Variants in ZNF248 observed in about 807,000 individuals in gnomAD.
ZNF248 encodes the protein zinc finger protein 248.
ZNF248 carries 20 observed loss-of-function variants against 44.3 expected under a neutral mutation model. That is an observed-to-expected ratio of 0.45 (90% CI 0.32 to 0.66). The LOEUF (loss-of-function observed/expected upper bound fraction) is 0.66, where lower values mean the gene tolerates loss of function less well. Among genes scored for constraint, ZNF248 ranks in the 30% least tolerant of loss-of-function variants. The pLI is 0.04. For missense variants in ZNF248, 654 were observed against 677.0 expected (o/e 0.97, Z 0.38); for synonymous variants, 224 against 229.0 (o/e 0.98, Z 0.20).
chr10:37,792,950 G>A (rs373414837), intron 6 of ZNF248, among the ~76,000 whole-genome samples: 6 of 152,086 alleles, frequency 3.9e-5, no homozygotes, highest in Non-Finnish European at 5.9e-5. Context: ...TTATTTTGAC[G>A]TATATGCCAA....
intron 6 of ZNF248, among the ~76,000 whole-genome samples, chr10:37,810,067 G>GCAAATTTT (rs1442146596): frequency 6.6e-6 from 1 of 152,168 alleles, no homozygotes; most frequent in Non-Finnish European, 1.5e-5. Flanking sequence ...GAGTATTGAA[G>GCAAATTTT]CAAATTTTTA....
chr10:37,829,025 C>T lies in ZNF248; in HGVS notation c.*2590G>A, dbSNP rs1369887182. Reference sequence around the variant, plus strand: ...ACTGAGCCTTCTACATAGGAATTTACAGAAATGAATAACACTGTGCTGCTT... The same window carrying T: ...ACTGAGCCTTCTACATAGGAATTTATAGAAATGAATAACACTGTGCTGCTT... On this transcript the variant is annotated 3_prime_UTR_variant, in exon 6 of 6. Coordinates refer to ENST00000395867, the MANE Select transcript of ZNF248 (RefSeq NM_021045.3). 2 of 985,440 alleles carry T rather than the reference C, an allele frequency of 2.0e-6. No individual in the cohort carries two copies. Among genetic ancestry groups the T allele is most frequent in the Non-Finnish European group, 2.4e-6 (2 of 829,928 alleles). The allele number at this position is 985,440 out of a possible 1,614,324, so 61.0% of individuals were successfully genotyped here.
chr10:37,782,510 A>C (rs1205355503), intron 6 of ZNF248, among the ~76,000 whole-genome samples: 1 of 152,110 alleles, frequency 6.6e-6, no homozygotes, highest in Non-Finnish European at 1.5e-5. Context: ...TCCTCCCAGA[A>C]AGACATGTTC....
intron 6 of ZNF248, chr10:37,791,895 C>T (rs1389801741): frequency 1.3e-5 from 2 of 152,154 alleles, no homozygotes; most frequent in African/African-American, 2.4e-5. Flanking sequence ...ACCACATACG[C>T]AAGATCACCA....
chr10:37,839,504 CAA>C (rs150141710), intron 3 of ZNF248, among the ~76,000 whole-genome samples: 19,953 of 127,956 alleles, frequency 0.16, 1,366 homozygotes, highest in Admixed American at 0.23. Flanking sequence ...CATGTATACA[CAA>C]ACACACACAC....
At chr10:37,821,851 C>T (rs2053524189) in intron 6 of ZNF248, among the ~76,000 whole-genome samples, 1 of 152,180 alleles carries the variant, frequency 6.6e-6, no homozygotes, top group Non-Finnish European at 1.5e-5. Flanking sequence ...TCTGTAACTA[C>T]CAAATACCAC....
At position 37,831,547 on chromosome 10, in the gene ZNF248, G is replaced by A. The variant is rs2055629503; in HGVS notation, c.*68C>T. The A allele has an allele frequency of 6.5e-7, 1 of 1,536,776 alleles. No homozygotes were observed. The highest frequency in any genetic ancestry group is 8.7e-7 in the Non-Finnish European group (1 of 1,145,480). On this transcript the variant is annotated 3_prime_UTR_variant, in exon 6 of 6. Coordinates refer to ENST00000395867, the MANE Select transcript of ZNF248 (RefSeq NM_021045.3). ...TTTCTACAAATTTCTGACATTCTTT[G>A]GCTTTCTCTGATCTCCTTTTTTGAA...
intron 6 of ZNF248, among the ~76,000 whole-genome samples, chr10:37,791,316 A>G (rs1053315087): frequency 1.3e-5 from 2 of 152,022 alleles, no homozygotes; most frequent in Non-Finnish European, 2.9e-5. Flanking sequence ...TGCTGGGATT[A>G]CAGGTGTGAG....
intron 6 of ZNF248, among the ~76,000 whole-genome samples, chr10:37,802,199 C>T (rs932542015): frequency 6.6e-6 from 1 of 152,148 alleles, no homozygotes; most frequent in African/African-American, 2.4e-5. Flanking sequence ...TGGGAATAAA[C>T]AACTCGCCTG....
At position 37,828,944 on chromosome 10, in the gene ZNF248, A is replaced by T; in HGVS notation, c.*2671T>A. The stretch of plus-strand genomic sequence containing the variant: ...GGGAGTTTACTTATGCTAACAGGAA[A>T]GCAGAACAAACAGAAACACTTAACT... On this transcript the variant is annotated 3_prime_UTR_variant, in exon 6 of 6. Transcript: ENST00000395867. 1.0e-6 allele frequency: 1 copy of T among 985,502 alleles called. No homozygotes were observed. Among genetic ancestry groups the T allele is most frequent in the Non-Finnish European group, 1.2e-6 (1 of 829,952 alleles). The allele number at this position is 985,502 out of a possible 1,614,324, so 61.0% of individuals were successfully genotyped here.
At chr10:37,846,150 G>A (rs561243918) in intron 3 of ZNF248, among the ~76,000 whole-genome samples, 1 of 152,264 alleles carries the variant, frequency 6.6e-6, no homozygotes, top group South Asian at 2.1e-4. Flanking sequence ...CCAATGCCCT[G>A]CAATAAATGC....
chr10:37,830,611 C>T lies in ZNF248; in HGVS notation c.*1004G>A. On this transcript the variant is annotated 3_prime_UTR_variant, in exon 6 of 6. Coordinates refer to ENST00000395867, the MANE Select transcript of ZNF248 (RefSeq NM_021045.3). ...TGCCAAATACGTTTTCATATATACA[C>T]AGTGATGTGCTGTAAATATTTGACA... The T allele has an allele frequency of 6.1e-6, 6 of 984,990 alleles. No individual in the cohort carries two copies. The highest frequency in any genetic ancestry group is 7.2e-6 in the Non-Finnish European group (6 of 829,610). 61.0% of individuals were successfully genotyped at this position (984,990 alleles called of 1,614,324 possible). A position where few individuals can be genotyped will look rare whatever the true frequency, so the allele number is the denominator to read the frequency against.
intron 6 of ZNF248, among the ~76,000 whole-genome samples, chr10:37,823,706 T>C (rs992741642): frequency 7.2e-5 from 11 of 151,984 alleles, no homozygotes; most frequent in African/African-American, 2.7e-4. Context: ...CCTGAGTACC[T>C]AGGGCTACAG....
chr10:37,819,959 G>A lies in ZNF248; in HGVS notation c.330+13066C>T, dbSNP rs546248935. On this transcript the variant is annotated intron_variant, in intron 6 of 6. Coordinates refer to the ZNF248 transcript ENST00000615949. ...GCCCCATGTCGGACAGTAGTAAAGCGGCCCCATCTCAAGCGGTCTTGCATG... is the reference window on the plus strand; with the variant it reads ...GCCCCATGTCGGACAGTAGTAAAGCAGCCCCATCTCAAGCGGTCTTGCATG... 1.5e-4 allele frequency: 112 copies of A among 767,188 alleles called. No individual in the cohort carries two copies. In the African/African-American group the frequency reaches 1.5e-3, roughly 10 times the overall value. The allele number at this position is 767,188 out of a possible 1,614,324, so 47.5% of individuals were successfully genotyped here. A position where few individuals can be genotyped will look rare whatever the true frequency, so the allele number is the denominator to read the frequency against.
At chr10:37,784,527 G>A (rs1384438423) in intron 6 of ZNF248, among the ~76,000 whole-genome samples, 1 of 152,178 alleles carries the variant, frequency 6.6e-6, no homozygotes, top group Non-Finnish European at 1.5e-5. Context: ...CATAGCTATT[G>A]TGCTAATTGT....
chr10:37,809,120 T>A (rs191872614), intron 6 of ZNF248, among the ~76,000 whole-genome samples: 211 of 152,328 alleles, frequency 1.4e-3, no homozygotes, highest in Non-Finnish European at 2.5e-3. Flanking sequence ...ATTTTCTTAG[T>A]CTAGTTAGCT....
chr10:37,824,240 C>T (rs2053983247), downstream of ZNF248, among the ~76,000 whole-genome samples: 1 of 152,180 alleles, frequency 6.6e-6, no homozygotes, highest in South Asian at 2.1e-4. Flanking sequence ...GGAATTCTTA[C>T]TCACGAGTGT....
At chr10:37,841,763 G>T (rs1008187687) in intron 3 of ZNF248, among the ~76,000 whole-genome samples, 8 of 152,208 alleles carry the variant, frequency 5.3e-5, no homozygotes, top group Non-Finnish European at 1.2e-4. Flanking sequence ...CCCTTGATAG[G>T]ATGTGACTGA....
intron 3 of ZNF248, among the ~76,000 whole-genome samples, chr10:37,853,732 C>T (rs902241152): frequency 1.3e-5 from 2 of 152,102 alleles, no homozygotes; most frequent in African/African-American, 4.8e-5. Flanking sequence ...AAAGCTCTCA[C>T]TCCAGAATTC....
Sources: gnomAD v4.1 joint callset for allele counts (sites outside exome capture counted in the v4.1 genomes callset) on GRCh38, gnomAD v4.1.1 for gene constraint, MANE v1.5 for transcripts, NCBI Gene and HGNC (gene_info 2026-07-23, HGNC 2026-07-21) for gene names.